The following CTH variants were observed in gnomAD, a reference collection of about 807,000 sequenced individuals.
The protein encoded by CTH is cystathionine gamma-lyase.
In CTH, 41 loss-of-function variants were observed where a neutral mutation model predicts 50.6. The ratio of observed to expected loss-of-function variants is 0.81; its 90% confidence interval spans 0.63 to 1.05. The LOEUF is 1.05. Among genes scored for constraint, CTH ranks in the 50% least tolerant of loss-of-function variants. CTH has a pLI of 0.00. For synonymous variants in CTH, 156 were observed against 168.9 expected, an observed-to-expected ratio of 0.92 and a Z score of 0.59; for missense variants, 470 against 492.6, an observed-to-expected ratio of 0.95 and a Z score of 0.43.
chr1:70,419,497 C>A (rs1684166321), intron 3 of CTH, among the ~76,000 whole-genome samples: 1 of 152,152 alleles, frequency 6.6e-6, no homozygotes, highest in Non-Finnish European at 1.5e-5. Context: ...TGTTTCCTGA[C>A]TTTTTAATGA....
In CTH at chr1:70,425,810, T is replaced by G. The variant is rs1034756228; in HGVS notation, c.588+1394T>G. On this transcript the variant is annotated intron_variant, in intron 5 of 11. Transcript: ENST00000370938. ...GAGGACAGTCCCAAGGGGAGATGAC[T>G]CTAAACCATTCATGATATATCCACC... Among the ~76,000 whole-genome samples, 4 of 152,242 alleles carry G rather than the reference T, an allele frequency of 2.6e-5. No homozygotes were observed. In the South Asian group the frequency reaches 8.3e-4, roughly 32 times the overall value.
chr1:70,433,801 A>G (rs1444289068), intron 8 of CTH, 27 bp from the exon 9 acceptor site: 1 of 1,611,468 alleles, frequency 6.2e-7, no homozygotes, highest in Admixed American at 1.7e-5. Flanking sequence ...ATTCTAAAAT[A>G]AGACTTATGA....
chr1:70,430,368 A>C lies in CTH; in HGVS notation c.698A>C (p.His233Pro), dbSNP rs770463355. The C allele has an allele frequency of 2.6e-5, 41 of 1,593,768 alleles. No homozygotes were observed. The highest frequency in any genetic ancestry group is 3.5e-5 in the Non-Finnish European group (41 of 1,161,572). ...GLVSVNCESL[H>P]NRLRFLQNSL... ...GTGTCTGTTAATTGTGAAAGCCTTC[A>C]TAATAGACTTCGTTTCTTGCAAAAC... is the stretch of plus-strand genomic sequence containing the variant. Residue 233 changes from histidine (H) to proline (P), a missense_variant, in exon 7 of 12, where the codon CAT becomes CCT. Physicochemically the swap from His to Pro is moderately conservative, Grantham distance 77. Coordinates refer to ENST00000370938, the MANE Select transcript of CTH (RefSeq NM_001902.6).
chr1:70,416,458 T>C (rs537653963), intron 2 of CTH, among the ~76,000 whole-genome samples: 1 of 152,098 alleles, frequency 6.6e-6, no homozygotes, highest in Non-Finnish European at 1.5e-5. Flanking sequence ...AGTGGCACAA[T>C]CTCTGCTCAT....
intron 2 of CTH, among the ~76,000 whole-genome samples, chr1:70,417,259 C>T (rs1462393844): frequency 6.6e-6 from 1 of 151,494 alleles, no homozygotes; most frequent in African/African-American, 2.4e-5. Context: ...TATCTTTGCT[C>T]TATTCTTTAT....
At chr1:70,415,404 T>TA (rs796867852) in intron 1 of CTH, among the ~76,000 whole-genome samples, 3,703 of 145,884 alleles carry the variant, frequency 0.025, 148 homozygotes, top group African/African-American at 0.085. Flanking sequence ...GTCCTATCCT[T>TA]AAAAAAAAAA....
chr1:70,413,457 G>A (rs1169195473), intron 1 of CTH, among the ~76,000 whole-genome samples: 1 of 151,550 alleles, frequency 6.6e-6, no homozygotes, highest in Non-Finnish European at 1.5e-5. Flanking sequence ...GTAGAGACGG[G>A]GTTTCACCAT....
intron 1 of CTH, 46 bp from the exon 2 acceptor site, chr1:70,415,907 GATA>G (rs1215340384): frequency 4.0e-6 from 4 of 996,172 alleles, no homozygotes; most frequent in Non-Finnish European, 6.5e-6. Flanking sequence ...TTAGGACTCT[GATA>G]ATAAACTGAA....
Position 70,415,976 on chromosome 1 carries a change from T to C in CTH, c.189T>C (p.Ser63=). Residue 63 remains serine, a synonymous_variant, in exon 2 of 12, where the codon TCT becomes TCC. Transcript: ENST00000370938. ...GQHSGFEYSR[S]GNPTRNCLEK... ...TTCAGGGTTTTGAATATAGCCGTTC[T>C]GGAAATCCCACTAGGAATTGCCTTG... 1 of 1,609,952 alleles carries C rather than the reference T, an allele frequency of 6.2e-7. No individual in the cohort carries two copies. The highest frequency in any genetic ancestry group is 1.7e-5 in the Admixed American group (1 of 60,020).
chr1:70,432,098 C>A lies in CTH; in HGVS notation c.740C>A (p.Pro247Gln). 1 of 1,614,070 alleles carries A rather than the reference C, an allele frequency of 6.2e-7. No homozygotes were observed. The highest frequency in any genetic ancestry group is 8.5e-7 in the Non-Finnish European group (1 of 1,180,006). ...RFLQNSLGAV[P>Q]SPIDCYLCNR... Reference sequence around the variant, plus strand: ...CATTTTGCAGCTCTTGGAGCAGTTCCATCTCCTATTGATTGTTACCTCTGC... The same window carrying A: ...CATTTTGCAGCTCTTGGAGCAGTTCAATCTCCTATTGATTGTTACCTCTGC... Residue 247 changes from proline (P) to glutamine (Q), a missense_variant, in exon 8 of 12, where the codon CCA (proline) becomes CAA (glutamine). Coordinates refer to ENST00000370938, the MANE Select transcript of CTH (RefSeq NM_001902.6).
chr1:70,426,256 T>G (rs1300095922), intron 5 of CTH, among the ~76,000 whole-genome samples: 2 of 152,230 alleles, frequency 1.3e-5, no homozygotes, highest in East Asian at 3.8e-4. Flanking sequence ...CTCTTTCCTC[T>G]GAGTAACCCA....
chr1:70,424,383 C>G lies in CTH; in HGVS notation c.555C>G (p.Val185=), dbSNP rs201341971. 39 of 1,613,918 alleles carry G rather than the reference C, an allele frequency of 2.4e-5. No individual in the cohort carries two copies. The East Asian group carries it at 8.0e-4, about 33-fold the overall frequency. ...IVHKHGDIIL[V]VDNTFMSPYF... is the part of the protein sequence containing the mutation. ...ATAAGCATGGAGACATTATTTTGGT[C>G]GTGGATAACACTTTTATGTCACCAT... The change falls in exon 5 of 12, where the codon GTC becomes GTG. Residue 185 remains valine (V), a synonymous_variant. Coordinates refer to ENST00000370938, the MANE Select transcript of CTH (RefSeq NM_001902.6).
chr1:70,411,332 C>T lies in CTH; in HGVS notation c.-84C>T, dbSNP rs1222709960. The T allele has an allele frequency of 5.7e-6, 8 of 1,405,994 alleles. No individual in the cohort carries two copies. The highest frequency in any genetic ancestry group is 8.1e-6 in the Non-Finnish European group (8 of 990,912). The allele number at this position is 1,405,994 out of a possible 1,614,324, so 87.1% of individuals were successfully genotyped here. A position where few individuals can be genotyped will look rare whatever the true frequency, so the allele number is the denominator to read the frequency against. On this transcript the variant is annotated 5_prime_UTR_variant, in exon 1 of 12. Transcript: ENST00000370938. Reference sequence around the variant, plus strand: ...TTTAGCTCCTTCTCGCCTGATCCTTCTGTCTCTCCCAACCCCGGACACCCG... The same window carrying T: ...TTTAGCTCCTTCTCGCCTGATCCTTTTGTCTCTCCCAACCCCGGACACCCG...
chr1:70,429,499 G>A (rs1161361326), intron 5 of CTH, among the ~76,000 whole-genome samples: 1 of 152,152 alleles, frequency 6.6e-6, no homozygotes, highest in African/African-American at 2.4e-5. Flanking sequence ...AGTCCTGTCA[G>A]CAATTGCTAT....
chr1:70,412,343 C>T (rs1448806817), intron 1 of CTH, among the ~76,000 whole-genome samples: 1 of 152,246 alleles, frequency 6.6e-6, no homozygotes, highest in African/African-American at 2.4e-5. Context: ...CAGTGGCTTA[C>T]GCCTGTAATC....
intron 1 of CTH, 43 bp from the exon 2 acceptor site, chr1:70,415,913 A>G: frequency 9.3e-7 from 1 of 1,069,918 alleles, no homozygotes; most frequent in South Asian, 1.3e-5. Context: ...CTCTGATAAT[A>G]AACTGAAATC....
chr1:70,439,084 G>A lies in CTH; in HGVS notation c.1192-17G>A. ...ATATGTTTAATAACATATTTTTCTT[G>A]TGCACTGTTATTATAGCACCCTCCA... On this transcript the variant is annotated splice_polypyrimidine_tract_variant and intron_variant, in intron 11 of 11. Coordinates refer to ENST00000370938, the MANE Select transcript of CTH (RefSeq NM_001902.6). 1 of 1,608,954 alleles carries A rather than the reference G, an allele frequency of 6.2e-7. No homozygotes were observed.
intron 5 of CTH, among the ~76,000 whole-genome samples, chr1:70,425,717 G>C (rs1684332300): frequency 6.6e-6 from 1 of 152,152 alleles, no homozygotes; most frequent in Non-Finnish European, 1.5e-5. Flanking sequence ...GAGCAAGAGA[G>C]AGAACGAGGG....
chr1:70,429,922 C>T, intron 6 of CTH, 71 bp downstream of exon 6: 1 of 1,071,976 alleles, frequency 9.3e-7, no homozygotes, highest in Non-Finnish European at 1.4e-6. Flanking sequence ...CTTTTGATCC[C>T]TTTTCTTTGA....
Sources: gnomAD v4.1 joint callset for allele counts (sites outside exome capture counted in the v4.1 genomes callset) on GRCh38, gnomAD v4.1.1 for gene constraint, MANE v1.5 for transcripts, NCBI Gene and HGNC (gene_info 2026-07-23, HGNC 2026-07-21) for gene names.